Variants in DYNC2H1 observed in about 807,000 individuals in gnomAD.
The protein encoded by DYNC2H1 is dynein cytoplasmic 2 heavy chain 1, also known as cytoplasmic dynein 2 heavy chain 1.
Under a neutral mutation model 570.0 loss-of-function variants are expected in DYNC2H1, and 410 were observed. The observed-to-expected ratio is 0.72, with a 90% CI of 0.66 to 0.78. The LOEUF is 0.78. DYNC2H1 is among the 30% of genes least tolerant of loss of function. The probability of loss-of-function intolerance (pLI) is 0.00; values close to 1 mark genes in which losing one functional copy is unlikely to be tolerated. For synonymous variants in DYNC2H1, 1,688 were observed against 1,677.6 expected, an observed-to-expected ratio of 1.01 and a Z score of -0.15; for missense variants, 4,865 against 5,046.4, an observed-to-expected ratio of 0.96 and a Z score of 1.09.
chr11:103,342,214 T>A (rs1292054946), intron 82 of DYNC2H1, among the ~76,000 whole-genome samples: 1 of 152,068 alleles, frequency 6.6e-6, no homozygotes, highest in East Asian at 1.9e-4. Context: ...GGGTACCAAT[T>A]GGCACTCTGT....
Position 103,311,872 on chromosome 11 carries a change from T to C in DYNC2H1, c.11494-6T>C, listed in dbSNP as rs775861860. On this transcript the variant is annotated splice_polypyrimidine_tract_variant and splice_region_variant and intron_variant, in intron 78 of 88. Coordinates refer to ENST00000375735, the MANE Select transcript of DYNC2H1 (RefSeq NM_001377.3). Reference sequence around the variant, plus strand: ...GCAATAGGATGTCTGTTGATTTTTTTTCTAGTCACCTCCAGGTTTAAAGAA... The same window carrying C: ...GCAATAGGATGTCTGTTGATTTTTTCTCTAGTCACCTCCAGGTTTAAAGAA... 6.2e-7 allele frequency: 1 copy of C among 1,601,036 alleles called. No homozygotes were observed. Among genetic ancestry groups the C allele is most frequent in the Non-Finnish European group, 8.5e-7 (1 of 1,174,628 alleles).
rs74992468 is a variant in DYNC2H1 at position 103,295,286 on chromosome 11, G to T, written c.11095+7681G>T. 2.6e-5 allele frequency among the ~76,000 whole-genome samples: 4 copies of T among 152,272 alleles called. No homozygotes were observed. In the East Asian group the frequency reaches 7.7e-4, roughly 29 times the overall value. On this transcript the variant is annotated intron_variant, in intron 75 of 88. Transcript: ENST00000375735. ...CTTCCATGGGCACTGGTAGAATTCT[G>T]TCTGGTAATGAGGAGGAAATTAAAG...
At chr11:103,176,470 C>G in intron 37 of DYNC2H1, 36 bp downstream of exon 37, 2 of 1,384,672 alleles carry the variant, frequency 1.4e-6, no homozygotes, top group Non-Finnish European at 1.9e-6. Flanking sequence ...AGATTGATCC[C>G]TTTTCCTAGT....
At chr11:103,182,244 A>G (rs1481087726) in intron 40 of DYNC2H1, among the ~76,000 whole-genome samples, 2 of 150,382 alleles carry the variant, frequency 1.3e-5, no homozygotes, top group Admixed American at 1.3e-4. Context: ...TGTATATATA[A>G]TATATAGGTA....
intron 84 of DYNC2H1, among the ~76,000 whole-genome samples, chr11:103,427,250 C>T (rs75814176): frequency 0.026 from 3,899 of 152,182 alleles, 115 homozygotes; most frequent in African/African-American, 0.064. Flanking sequence ...ATTTTTTAAA[C>T]TCTCAAGGAA....
intron 18 of DYNC2H1, 91 bp downstream of exon 18, chr11:103,143,486 A>C (rs1860075732): frequency 7.7e-7 from 1 of 1,299,732 alleles, no homozygotes; most frequent in African/African-American, 1.5e-5. Context: ...TTGAAGTCAC[A>C]TCAGCTTCTT....
At chr11:103,376,469 T>G (rs1349215653) in intron 83 of DYNC2H1, among the ~76,000 whole-genome samples, 1 of 152,222 alleles carries the variant, frequency 6.6e-6, no homozygotes, top group East Asian at 1.9e-4. Context: ...ACTTGTGTAT[T>G]TGTTGTAATT....
chr11:103,251,651 A>G (rs1864836471), intron 65 of DYNC2H1, among the ~76,000 whole-genome samples: 1 of 151,956 alleles, frequency 6.6e-6, no homozygotes, highest in African/African-American at 2.4e-5. Context: ...CATCCTACAT[A>G]TCTGCTATTT....
chr11:103,318,554 G>C (rs545826942), intron 80 of DYNC2H1, among the ~76,000 whole-genome samples: 34 of 152,218 alleles, frequency 2.2e-4, no homozygotes, highest in African/African-American at 7.5e-4. Context: ...CATGCTGGTA[G>C]TTTTGAGTTT....
chr11:103,195,670 A>G (rs2135065323), intron 47 of DYNC2H1, among the ~76,000 whole-genome samples: 1 of 152,334 alleles, frequency 6.6e-6, no homozygotes, highest in East Asian at 1.9e-4. Context: ...TTCTGAATCC[A>G]TAAACAATGT....
At chr11:103,397,326 A>T (rs1319517274) in intron 83 of DYNC2H1, among the ~76,000 whole-genome samples, 1 of 152,078 alleles carries the variant, frequency 6.6e-6, no homozygotes, top group Non-Finnish European at 1.5e-5. Flanking sequence ...AAAAAACCCT[A>T]GTAATCAATT....
chr11:103,111,231 A>C (rs534187998), intron 1 of DYNC2H1, among the ~76,000 whole-genome samples: 2 of 152,362 alleles, frequency 1.3e-5, no homozygotes, highest in East Asian at 3.9e-4. Flanking sequence ...AACTCAGTAC[A>C]TGCAAGGCAC....
chr11:103,181,889 A>G lies in DYNC2H1; in HGVS notation c.6477+3A>G. ...CTTTACAATGGGTTCTAAAGCAGGT[A>G]AATTAACCATAATATTTCATAATTA... On this transcript the variant is annotated splice_donor_region_variant and intron_variant, in intron 40 of 88. Transcript: ENST00000375735. This position sits in a 1 kb window ranked among gnomAD's most constrained non-coding sequence, Gnocchi z 5.0. 6.2e-7 allele frequency: 1 copy of G among 1,601,414 alleles called. No homozygotes were observed. The highest frequency in any genetic ancestry group is 8.5e-7 in the Non-Finnish European group (1 of 1,173,400).
chr11:103,357,125 A>G (rs1940387579), intron 82 of DYNC2H1, among the ~76,000 whole-genome samples: 1 of 152,156 alleles, frequency 6.6e-6, no homozygotes, highest in Non-Finnish European at 1.5e-5. Context: ...CATATATCAC[A>G]TTATCTGTAA....
chr11:103,387,006 G>A (rs1340505356), intron 83 of DYNC2H1, among the ~76,000 whole-genome samples: 1 of 151,894 alleles, frequency 6.6e-6, no homozygotes, highest in Admixed American at 6.6e-5. Context: ...AATCCTTTGG[G>A]TATATACCCA....
At chr11:103,219,102 C>T (rs1863488771) in intron 55 of DYNC2H1, among the ~76,000 whole-genome samples, 1 of 152,078 alleles carries the variant, frequency 6.6e-6, no homozygotes, top group Non-Finnish European at 1.5e-5. Context: ...AGAAATTATG[C>T]ATTTCAGGAT....
At chr11:103,371,217 AAAGT>A (rs1941132758) in intron 83 of DYNC2H1, among the ~76,000 whole-genome samples, 1 of 152,126 alleles carries the variant, frequency 6.6e-6, no homozygotes, top group Non-Finnish European at 1.5e-5. Context: ...CAAGCAGAAG[AAAGT>A]GAGCTTGAAG....
intron 85 of DYNC2H1, among the ~76,000 whole-genome samples, chr11:103,453,643 C>T (rs76051735): frequency 0.12 from 9,826 of 83,754 alleles, 400 homozygotes; most frequent in Non-Finnish European, 0.14. Context: ...TATATATATA[C>T]ACACATTCAT....
intron 88 of DYNC2H1, among the ~76,000 whole-genome samples, chr11:103,473,925 A>G (rs1945470077): frequency 6.6e-6 from 1 of 152,252 alleles, no homozygotes; most frequent in South Asian, 2.1e-4. Flanking sequence ...TAAAATATTT[A>G]CACAAGCTAC....
Sources: gnomAD v4.1 joint callset for allele counts (sites outside exome capture counted in the v4.1 genomes callset) on GRCh38, gnomAD v4.1.1 for gene constraint, Gnocchi (gnomAD v3.1) non-coding constraint, MANE v1.5 for transcripts, NCBI Gene and HGNC (gene_info 2026-07-23, HGNC 2026-07-21) for gene names.